Variants in EEF1E1 observed in about 807,000 individuals in gnomAD.
EEF1E1 encodes the protein eukaryotic translation elongation factor 1 epsilon-1.
A neutral mutation model predicts 19.9 loss-of-function variants in EEF1E1; 19 were observed. The observed-to-expected ratio is 0.95, with a 90% CI of 0.66 to 1.40. The LOEUF (loss-of-function observed/expected upper bound fraction) is 1.40. EEF1E1 is among the 40% of genes most tolerant of loss of function. EEF1E1 has a pLI of 0.00. For missense variants in EEF1E1, 198 were observed against 202.2 expected (o/e 0.98, Z 0.13); for synonymous variants, 81 against 80.0 (o/e 1.01, Z -0.07).
chr6:8,087,394 T>G (rs1276369836), intron 3 of EEF1E1, among the ~76,000 whole-genome samples: 1 of 152,182 alleles, frequency 6.6e-6, no homozygotes, highest in Non-Finnish European at 1.5e-5. Context: ...ATTTTTGTAG[T>G]TTTACTAGAG....
chr6:8,097,165 AAGAGG>A, intron 2 of EEF1E1, 97 bp downstream of exon 2: 1 of 1,116,392 alleles, frequency 9.0e-7, no homozygotes, highest in South Asian at 1.4e-5. Flanking sequence ...GGCAGAAGGA[AAGAGG>A]TGAAGAAGGC....
chr6:8,075,576 A>G (rs1172518121), downstream of EEF1E1, among the ~76,000 whole-genome samples: 2 of 152,078 alleles, frequency 1.3e-5, no homozygotes, highest in Admixed American at 1.3e-4. Context: ...TATTGCTAAA[A>G]ACAGCATTAA....
chr6:8,078,799 T>C (rs1757658574), downstream of EEF1E1: 1 of 1,229,106 alleles, frequency 8.1e-7, no homozygotes, highest in South Asian at 1.4e-5. Flanking sequence ...ACTAGGCTTT[T>C]TTCTTCATGT....
At chr6:8,073,412 T>G (rs1757527151) in exon 4 of EEF1E1, 1 of 1,548,468 alleles carries the variant, frequency 6.5e-7, no homozygotes. Flanking sequence ...ACAGGTAAGT[T>G]TGAGCCAGAC....
At chr6:8,074,470 G>A (rs1757547225), downstream of EEF1E1, among the ~76,000 whole-genome samples, 1 of 152,166 alleles carries the variant, frequency 6.6e-6, no homozygotes, top group African/African-American at 2.4e-5. Flanking sequence ...TATAGTCTCT[G>A]CTCTCAAGAA....
intron 2 of EEF1E1, among the ~76,000 whole-genome samples, chr6:8,095,196 G>A (rs1054745321): frequency 2.0e-5 from 3 of 152,094 alleles, no homozygotes; most frequent in South Asian, 2.1e-4. Flanking sequence ...ACACATTGTC[G>A]GTGAACAAAA....
chr6:8,098,388 G>T (rs1758233992), intron 1 of EEF1E1, among the ~76,000 whole-genome samples: 1 of 152,098 alleles, frequency 6.6e-6, no homozygotes, highest in South Asian at 2.1e-4. Flanking sequence ...AAAGTGCTAG[G>T]ATTACAAGCG....
chr6:8,102,139 C>A, intron 1 of EEF1E1: 1 of 1,292,598 alleles, frequency 7.7e-7, no homozygotes, highest in Non-Finnish European at 9.9e-7. Context: ...TCTAAGAGCC[C>A]TGTGAGGACC....
intron 1 of EEF1E1, 116 bp downstream of exon 1, chr6:8,102,319 C>G: frequency 9.1e-7 from 1 of 1,096,494 alleles, no homozygotes. Flanking sequence ...ACGTGGGGAG[C>G]TGGGTAGCAG....
rs142118377 is a variant in EEF1E1, at chr6:8,099,903, T to A, written c.88-2436A>T. ...TAACACGTGACTGTATGTCAATGTG[T>A]TGATGTACCATAATTTAAAGAATCA... On this transcript the variant is annotated intron_variant, in intron 1 of 3. Transcript: ENST00000379715. Among the ~76,000 whole-genome samples the A allele has an allele frequency of 2.5e-3, 376 of 152,300 alleles. 5 individuals are homozygous for A. The highest frequency in any genetic ancestry group is 6.2e-3 in the East Asian group (32 of 5,188).
At chr6:8,078,814 T>C (rs1757658803), downstream of EEF1E1, 1 of 1,199,876 alleles carries the variant, frequency 8.3e-7, no homozygotes, top group Non-Finnish European at 1.1e-6. Context: ...TCATGTTGTC[T>C]ACTTTAATCC....
intron 1 of EEF1E1, among the ~76,000 whole-genome samples, chr6:8,100,789 C>T (rs1382945530): frequency 1.3e-5 from 2 of 151,426 alleles, no homozygotes; most frequent in African/African-American, 4.9e-5. Context: ...CTGGTAAATT[C>T]TTACCCTGGC....
chr6:8,088,194 C>T (rs1757916765), intron 3 of EEF1E1, among the ~76,000 whole-genome samples: 1 of 152,020 alleles, frequency 6.6e-6, no homozygotes, highest in African/African-American at 2.4e-5. Context: ...AGTATCATGT[C>T]ATCGTTCATG....
intron 2 of EEF1E1, among the ~76,000 whole-genome samples, chr6:8,091,226 T>C (rs1309088954): frequency 6.6e-6 from 1 of 152,198 alleles, no homozygotes; most frequent in African/African-American, 2.4e-5. Flanking sequence ...GTAGTAGCCA[T>C]CCTAATGGGT....
chr6:8,084,436 T>C (rs373848012), intron 3 of EEF1E1, among the ~76,000 whole-genome samples: 24 of 152,238 alleles, frequency 1.6e-4, no homozygotes, highest in Non-Finnish European at 2.2e-4. Flanking sequence ...GAGTATTTCT[T>C]TTCCCTACTG....
chr6:8,102,229 G>A (rs1450663406), intron 1 of EEF1E1: 6 of 571,848 alleles, frequency 1.0e-5, no homozygotes, highest in African/African-American at 1.0e-4. Flanking sequence ...AGCCCAACCT[G>A]AGCTGGTTAA....
chr6:8,091,713 T>C (rs1216122854), intron 2 of EEF1E1, among the ~76,000 whole-genome samples: 1 of 152,224 alleles, frequency 6.6e-6, no homozygotes, highest in Non-Finnish European at 1.5e-5. Flanking sequence ...AACAGATTCA[T>C]AAAACCTTCA....
intron 1 of EEF1E1, chr6:8,101,780 G>A: frequency 1.6e-6 from 2 of 1,289,218 alleles, no homozygotes; most frequent in South Asian, 1.2e-5. Context: ...GATGTTTCCC[G>A]CATTCACTGT....
chr6:8,078,572 AG>A, downstream of EEF1E1: 54 of 991,052 alleles, frequency 5.4e-5, no homozygotes, highest in Non-Finnish European at 6.6e-5. Flanking sequence ...CGCTCGAAGC[AG>A]GGTTGCCACA....
Sources: allele counts gnomAD v4.1 joint callset (sites outside exome capture counted in the v4.1 genomes callset), GRCh38; gene constraint gnomAD v4.1.1; transcripts MANE v1.5; gene names NCBI Gene and HGNC (gene_info 2026-07-23, HGNC 2026-07-21).